Variants in LOC400499 observed in about 807,000 individuals in gnomAD.
At chr16:11,401,387 A>C in the LOC400499 span, 2 of 399,782 alleles carry the variant, frequency 5.0e-6, no homozygotes, top group Non-Finnish European at 8.8e-6. Context: ...CCCCAGCCAC[A>C]GGGAGGAGGA....
chr16:11,472,274 C>T, the LOC400499 span: 1 of 152,118 alleles, frequency 6.6e-6, no homozygotes, highest in Non-Finnish European at 1.5e-5. Flanking sequence ...CTCACTGCAA[C>T]CTCTGCCTCC....
the LOC400499 span, among the ~76,000 whole-genome samples, chr16:11,389,685 C>CAAAAA: frequency 3.2e-4 from 19 of 58,962 alleles, no homozygotes; most frequent in Middle Eastern, 0.012. Context: ...AACTCCATCT[C>CAAAAA]AAAAAAAAAA....
the LOC400499 span, among the ~76,000 whole-genome samples, chr16:11,454,772 C>T: frequency 6.6e-6 from 1 of 152,188 alleles, no homozygotes; most frequent in East Asian, 1.9e-4. Context: ...TGTATGCTTT[C>T]TTTGGAAGCT....
At chr16:11,435,547 G>C in the LOC400499 span, 5 of 397,912 alleles carry the variant, frequency 1.3e-5, no homozygotes. Flanking sequence ...CTTGGGCGTG[G>C]TCTCAGGGGA....
the LOC400499 span, among the ~76,000 whole-genome samples, chr16:11,429,830 A>C: frequency 3.3e-5 from 5 of 152,282 alleles, no homozygotes; most frequent in East Asian, 7.7e-4. Context: ...TTTGGCAATC[A>C]TCATAACAGT....
chr16:11,488,922 G>A, the LOC400499 span: 1 of 398,466 alleles, frequency 2.5e-6, no homozygotes, highest in South Asian at 1.3e-4. Context: ...GCCAGGAGCT[G>A]GCGCTGTCCA....
the LOC400499 span, chr16:11,493,837 TGG>T: frequency 5.0e-5 from 9 of 180,416 alleles, no homozygotes; most frequent in East Asian, 7.9e-5. Context: ...GGCAGTGGCG[TGG>T]GGGGCGGGGC....
chr16:11,447,987 C>G, the LOC400499 span: 2 of 1,536,110 alleles, frequency 1.3e-6, no homozygotes, highest in Non-Finnish European at 1.7e-6. Context: ...GCCTCAGCTC[C>G]TCCAGCTCTC....
chr16:11,462,965 G>A, the LOC400499 span, among the ~76,000 whole-genome samples: 3 of 152,064 alleles, frequency 2.0e-5, no homozygotes, highest in Non-Finnish European at 2.9e-5. Context: ...TGGCTCTCCC[G>A]GCTCCCATCC....
At chr16:11,411,265 G>GAGGCTT in the LOC400499 span, 30 of 399,206 alleles carry the variant, frequency 7.5e-5, 1 homozygote, top group South Asian at 1.1e-3. Flanking sequence ...GGCTGAGGCT[G>GAGGCTT]AGCTGGGGCA....
At chr16:11,480,483 T>A in the LOC400499 span, among the ~76,000 whole-genome samples, 1 of 152,188 alleles carries the variant, frequency 6.6e-6, no homozygotes, top group Non-Finnish European at 1.5e-5. Context: ...AATGACATTT[T>A]ATAAGAGCAA....
At chr16:11,391,155 T>C in the LOC400499 span, among the ~76,000 whole-genome samples, 1 of 152,306 alleles carries the variant, frequency 6.6e-6, no homozygotes, top group South Asian at 2.1e-4. Context: ...CAACAGCCAG[T>C]CAGAGGGATG....
chr16:11,414,607 C>G, the LOC400499 span: 1 of 399,030 alleles, frequency 2.5e-6, no homozygotes, highest in Non-Finnish European at 4.4e-6. Context: ...CCCTGTGGCC[C>G]TCAAACACAA....
At chr16:11,505,131 C>T in the LOC400499 span, among the ~76,000 whole-genome samples, 1 of 150,680 alleles carries the variant, frequency 6.6e-6, no homozygotes, top group Admixed American at 6.6e-5. Context: ...TAACAAGCAT[C>T]CTATATGCAA....
the LOC400499 span, among the ~76,000 whole-genome samples, chr16:11,380,282 T>G: frequency 1.3e-5 from 2 of 152,054 alleles, 1 homozygote; most frequent in East Asian, 3.9e-4. Context: ...CTTTAGCATT[T>G]CTTGCATAAT....
the LOC400499 span, among the ~76,000 whole-genome samples, chr16:11,409,878 A>G: frequency 6.6e-6 from 1 of 152,266 alleles, no homozygotes; most frequent in African/African-American, 2.4e-5. Flanking sequence ...TATGTAACAG[A>G]TAAGAAAGAT....
At chr16:11,451,970 G>A in the LOC400499 span, among the ~76,000 whole-genome samples, 1 of 152,178 alleles carries the variant, frequency 6.6e-6, no homozygotes, top group Non-Finnish European at 1.5e-5. Flanking sequence ...CGGATCCCTG[G>A]AGAGCCAGGT....
chr16:11,380,018 C>T, the LOC400499 span, among the ~76,000 whole-genome samples: 1 of 152,128 alleles, frequency 6.6e-6, no homozygotes, highest in Non-Finnish European at 1.5e-5. Flanking sequence ...AGTGCAGTGG[C>T]ATTATCACAG....
the LOC400499 span, among the ~76,000 whole-genome samples, chr16:11,438,174 C>G: frequency 6.6e-6 from 1 of 152,164 alleles, no homozygotes; most frequent in Admixed American, 6.6e-5. Flanking sequence ...CAGAGCCTGC[C>G]ACGCAATCAT....
Sources: gnomAD v4.1 joint callset for allele counts (sites outside exome capture counted in the v4.1 genomes callset) on GRCh38, gnomAD v4.1.1 for gene constraint, MANE v1.5 for transcripts.